ANKRD10: variants seen among roughly 807,000 people sequenced by gnomAD.
The protein encoded by ANKRD10 is ankyrin repeat domain 10.
In ANKRD10, 14 loss-of-function variants were observed where a neutral mutation model predicts 27.0. That is an observed-to-expected ratio of 0.52 (90% CI 0.34 to 0.81). The LOEUF (loss-of-function observed/expected upper bound fraction) is 0.81. Ranked by LOEUF, ANKRD10 falls within the 40% of genes least tolerant of loss-of-function variation. The pLI, the probability that ANKRD10 is intolerant of heterozygous loss-of-function variation, is 0.01. For synonymous variants in ANKRD10, 250 were observed against 224.5 expected (o/e 1.11, Z -1.01); for missense variants, 493 against 544.0 (o/e 0.91, Z 0.93).
At chr13:110,908,176 A>C (rs2391877) in intron 2 of ANKRD10, among the ~76,000 whole-genome samples, 6,116 of 152,274 alleles carry the variant, frequency 0.04, 254 homozygotes, top group South Asian at 0.19. Flanking sequence ...GCAGTGCCAG[A>C]ATGCTCAAGA....
At chr13:110,895,606 C>T (rs1443375726) in intron 3 of ANKRD10, among the ~76,000 whole-genome samples, 1 of 151,966 alleles carries the variant, frequency 6.6e-6, no homozygotes, top group Non-Finnish European at 1.5e-5. Context: ...AAATAAATAC[C>T]AATTCGCTGA....
intron 3 of ANKRD10, among the ~76,000 whole-genome samples, chr13:110,893,530 TTA>T (rs1202404310): frequency 6.6e-6 from 1 of 152,234 alleles, no homozygotes; most frequent in Non-Finnish European, 1.5e-5. Context: ...AAATCATGTT[TTA>T]TGTTAGTCTG....
rs535382271 is a variant in ANKRD10 at position 110,897,021 on chromosome 13, TCAAA to T, written c.456-3762_456-3759del. Among the ~76,000 whole-genome samples the T allele has an allele frequency of 1.5e-3, 229 of 152,158 alleles. 1 individual carries two copies. Among genetic ancestry groups the T allele is most frequent in the Admixed American group, 2.8e-3 (43 of 15,290 alleles). On this transcript the variant is annotated intron_variant, in intron 3 of 5. Transcript: ENST00000267339. Reference sequence around the variant, plus strand: ...CCAGCATAATTGCATATGCATCACCTCAAACACTTTCCATTTGTACTGAATTAGC... The same window carrying T: ...CCAGCATAATTGCATATGCATCACCTCACTTTCCATTTGTACTGAATTAGC...
At chr13:110,889,922 G>A (rs1388516056) in intron 4 of ANKRD10, among the ~76,000 whole-genome samples, 1 of 152,130 alleles carries the variant, frequency 6.6e-6, no homozygotes, top group East Asian at 1.9e-4. Context: ...CCTGGCACCT[G>A]TAACTTTTTT....
At chr13:110,883,914 A>C in intron 4 of ANKRD10, 121 bp from the exon 5 acceptor site, 163 of 1,096,426 alleles carry the variant, frequency 1.5e-4, no homozygotes, top group East Asian at 3.7e-4. Flanking sequence ...ATAAAAAAAA[A>C]TCGACAGGTC....
intron 4 of ANKRD10, among the ~76,000 whole-genome samples, chr13:110,890,252 T>C (rs777018496): frequency 4.6e-5 from 7 of 152,134 alleles, no homozygotes; most frequent in Non-Finnish European, 1.0e-4. Context: ...CCAAGAACAA[T>C]TTCATGTAGA....
chr13:110,909,311 C>T (rs896454487), intron 2 of ANKRD10, among the ~76,000 whole-genome samples: 4 of 152,174 alleles, frequency 2.6e-5, no homozygotes, highest in Admixed American at 2.6e-4. Context: ...AAGTTAATGA[C>T]TTGCCCAAGG....
chr13:110,913,347 G>A (rs956718959), intron 1 of ANKRD10, among the ~76,000 whole-genome samples: 17 of 152,292 alleles, frequency 1.1e-4, no homozygotes, highest in Admixed American at 4.6e-4. Flanking sequence ...AAGGCTGCAC[G>A]CAGAAGCGCA....
At chr13:110,884,181 C>G (rs1454941296) in intron 4 of ANKRD10, among the ~76,000 whole-genome samples, 1 of 150,722 alleles carries the variant, frequency 6.6e-6, no homozygotes, top group African/African-American at 2.4e-5. Context: ...TTAAAACAAT[C>G]CTGATTTTTT....
At chr13:110,900,731 A>G in intron 3 of ANKRD10, 1 of 1,303,706 alleles carries the variant, frequency 7.7e-7, no homozygotes, top group South Asian at 1.2e-5. Flanking sequence ...TTACAGATTC[A>G]GAATCTTCTG....
intron 4 of ANKRD10, chr13:110,892,584 CA>C (rs2065110242): frequency 5.8e-6 from 2 of 343,340 alleles, no homozygotes; most frequent in African/African-American, 2.3e-5. Flanking sequence ...AGAAATAGTA[CA>C]GAAAACATTC....
intron 4 of ANKRD10, among the ~76,000 whole-genome samples, chr13:110,885,609 A>C (rs2064909108): frequency 6.6e-6 from 1 of 152,118 alleles, no homozygotes; most frequent in Non-Finnish European, 1.5e-5. Context: ...GTGGTGGAAG[A>C]GCAGATCCCC....
intron 2 of ANKRD10, 87 bp from the exon 3 acceptor site, chr13:110,906,211 CCTT>C (rs2065528445): frequency 2.0e-6 from 2 of 979,180 alleles, no homozygotes; most frequent in African/African-American, 3.3e-5. Context: ...AGATCAGAGA[CCTT>C]CTCATCCTTT....
intron 4 of ANKRD10, among the ~76,000 whole-genome samples, chr13:110,888,996 G>A (rs755468514): frequency 9.9e-5 from 15 of 151,936 alleles, no homozygotes; most frequent in Non-Finnish European, 2.1e-4. Context: ...GTGTTCCCCT[G>A]CTTCTTCCCC....
chr13:110,913,634 G>C (rs2065786838), intron 1 of ANKRD10, among the ~76,000 whole-genome samples: 1 of 152,170 alleles, frequency 6.6e-6, no homozygotes, highest in Admixed American at 6.5e-5. Context: ...GGGCAGCAAG[G>C]TAAACCGCAA....
chr13:110,914,038 A>G (rs1251541061), intron 1 of ANKRD10, among the ~76,000 whole-genome samples: 1 of 152,246 alleles, frequency 6.6e-6, no homozygotes, highest in African/African-American at 2.4e-5. Flanking sequence ...ATTTAGATCC[A>G]AGATAAACAC....
chr13:110,893,471 C>T (rs2065137928), intron 3 of ANKRD10, among the ~76,000 whole-genome samples: 2 of 152,190 alleles, frequency 1.3e-5, no homozygotes. Context: ...GGGAGATAAA[C>T]TAAATATGCT....
intron 3 of ANKRD10, among the ~76,000 whole-genome samples, chr13:110,899,398 T>A (rs1014311969): frequency 2.0e-5 from 3 of 152,210 alleles, no homozygotes; most frequent in African/African-American, 4.8e-5. Flanking sequence ...CTAAAACGTG[T>A]GTCTGTTCGT....
intron 3 of ANKRD10, chr13:110,894,148 T>A (rs577030622): frequency 6.2e-7 from 1 of 1,612,300 alleles, no homozygotes; most frequent in South Asian, 1.1e-5. Flanking sequence ...CAAAAGTAAC[T>A]CCATGTTGAA....
Sources: allele counts gnomAD v4.1 joint callset (sites outside exome capture counted in the v4.1 genomes callset), GRCh38; gene constraint gnomAD v4.1.1; transcripts MANE v1.5; gene names NCBI Gene and HGNC (gene_info 2026-07-23, HGNC 2026-07-21).